Variants in FOXN3 observed in about 807,000 individuals in gnomAD.
The protein encoded by FOXN3 is forkhead box protein N3.
A neutral mutation model predicts 38.4 loss-of-function variants in FOXN3; 7 were observed. That is an observed-to-expected ratio of 0.18 (90% confidence interval 0.10 to 0.34). FOXN3 has a LOEUF of 0.34. FOXN3 is among the 10% of genes least tolerant of loss of function. FOXN3 has a pLI of 1.00. For synonymous variants in FOXN3, 230 were observed against 242.2 expected, an observed-to-expected ratio of 0.95 and a Z score of 0.47; for missense variants, 456 against 613.4, an observed-to-expected ratio of 0.74 and a Z score of 2.71.
intron 1 of FOXN3, among the ~76,000 whole-genome samples, chr14:89,502,866 C>T (rs1203494578): frequency 6.6e-6 from 1 of 152,134 alleles, no homozygotes; most frequent in Non-Finnish European, 1.5e-5. Flanking sequence ...TCTTTCCACT[C>T]TATGTTGGTG....
At position 89,544,203 on chromosome 14, in the gene FOXN3, A is replaced by G. The variant is rs547800509; in HGVS notation, c.-15+74825T>C. 2.0e-5 allele frequency among the ~76,000 whole-genome samples: 3 copies of G among 151,760 alleles called. No individual in the cohort carries two copies. The East Asian group carries it at 5.8e-4, about 29-fold the overall frequency. Reference sequence around the variant, plus strand: ...ACTACAGGTGCCTGCTACCACGCCCAGCTAATTTTTTGTATTTTTAGTAGA... The same window carrying G: ...ACTACAGGTGCCTGCTACCACGCCCGGCTAATTTTTTGTATTTTTAGTAGA... On this transcript the variant is annotated intron_variant, in intron 1 of 6. Coordinates refer to the FOXN3 transcript ENST00000345097.
intron 4 of FOXN3, among the ~76,000 whole-genome samples, chr14:89,250,035 C>T (rs1885409666): frequency 6.6e-6 from 1 of 152,202 alleles, no homozygotes; most frequent in Non-Finnish European, 1.5e-5. Flanking sequence ...GTCTATTAGA[C>T]TTACTGTAAG....
intron 1 of FOXN3, among the ~76,000 whole-genome samples, chr14:89,522,091 A>G (rs1424464570): frequency 6.6e-6 from 1 of 152,080 alleles, no homozygotes; most frequent in East Asian, 1.9e-4. Context: ...CATAAACAAT[A>G]CAAATCAGAA....
chr14:89,481,763 G>T (rs890003153), intron 1 of FOXN3, among the ~76,000 whole-genome samples: 5 of 152,184 alleles, frequency 3.3e-5, no homozygotes, highest in Non-Finnish European at 5.9e-5. Context: ...GCAACAAAAA[G>T]CTGAGAAGAG....
At chr14:89,192,095 T>C (rs1237203252) in intron 4 of FOXN3, among the ~76,000 whole-genome samples, 1 of 146,658 alleles carries the variant, frequency 6.8e-6, no homozygotes, top group Non-Finnish European at 1.5e-5. Flanking sequence ...ATAGTATATA[T>C]ACAGTTTATA....
chr14:89,401,524 C>T (rs1891244808), intron 2 of FOXN3: 2 of 452,416 alleles, frequency 4.4e-6, no homozygotes, highest in African/African-American at 2.0e-5. Context: ...GAATTCGGCA[C>T]ACAGTGCGGT....
rs988863116 is a variant in FOXN3, at chr14:89,161,219, A to AT, written c.*1194dup. 1.3e-5 allele frequency: 2 copies of AT among 152,024 alleles called. No individual in the cohort carries two copies. The highest frequency in any genetic ancestry group is 2.9e-5 in the Non-Finnish European group (2 of 67,956). 9.4% of individuals were successfully genotyped at this position (152,024 alleles called of 1,614,324 possible). On this transcript the variant is annotated 3_prime_UTR_variant, in exon 6 of 6. Transcript: ENST00000557258. ...TACTGGCTGAATGTGGAAATCACTG[A>AT]TTTTTGCAAAGATAAATCCTGATAT...
At chr14:89,219,890 A>C (rs1884409137) in intron 4 of FOXN3, among the ~76,000 whole-genome samples, 1 of 152,220 alleles carries the variant, frequency 6.6e-6, no homozygotes, top group Non-Finnish European at 1.5e-5. Flanking sequence ...CTGAGGTATC[A>C]TTGGGCTAGG....
intron 1 of FOXN3, among the ~76,000 whole-genome samples, chr14:89,517,633 C>T (rs1368307571): frequency 1.3e-5 from 2 of 152,118 alleles, no homozygotes; most frequent in African/African-American, 4.8e-5. Flanking sequence ...CACACCAGGC[C>T]CCACCACCAA....
intron 1 of FOXN3, among the ~76,000 whole-genome samples, chr14:89,506,123 G>A (rs1451443162): frequency 5.6e-4 from 65 of 115,960 alleles, no homozygotes; most frequent in Non-Finnish European, 8.3e-4. Context: ...GGTGAGGGGC[G>A]CCTCTGCCCG....
At chr14:89,203,249 CA>C (rs528504408) in intron 4 of FOXN3, among the ~76,000 whole-genome samples, 58 of 152,334 alleles carry the variant, frequency 3.8e-4, no homozygotes, top group African/African-American at 1.3e-3. Flanking sequence ...GAGGGGACTT[CA>C]GAGGGATGTG....
chr14:89,568,089 C>A (rs944614142), intron 1 of FOXN3, among the ~76,000 whole-genome samples: 1 of 152,036 alleles, frequency 6.6e-6, no homozygotes, highest in East Asian at 1.9e-4. Context: ...AAAACCTATC[C>A]TCTCGCTGCC....
Position 89,343,361 on chromosome 14 carries a change from C to T in FOXN3, c.680+7311G>A, listed in dbSNP as rs187739582. On this transcript the variant is annotated intron_variant, in intron 3 of 5. Transcript: ENST00000557258. ...TTCCCCTATCTACTATTCCCAGCCT[C>T]ACTATGACAGCCAAAGATTATTTAC... Among the ~76,000 whole-genome samples the T allele has an allele frequency of 1.4e-3, 207 of 152,216 alleles. 1 individual carries two copies. The highest frequency in any genetic ancestry group is 2.5e-3 in the Non-Finnish European group (168 of 68,026).
chr14:89,179,837 A>C (rs1566922397), intron 5 of FOXN3, among the ~76,000 whole-genome samples: 1 of 152,234 alleles, frequency 6.6e-6, no homozygotes, highest in Non-Finnish European at 1.5e-5. Context: ...GGTGAGGGGA[A>C]TCTATGCAGA....
chr14:89,437,199 A>T (rs1270590396), intron 1 of FOXN3, among the ~76,000 whole-genome samples: 2 of 152,142 alleles, frequency 1.3e-5, no homozygotes, highest in African/African-American at 2.4e-5. Context: ...AACAAAAAAA[A>T]ACAGTATGGC....
intron 4 of FOXN3, among the ~76,000 whole-genome samples, chr14:89,239,187 T>C (rs1185301601): frequency 1.3e-5 from 2 of 152,176 alleles, no homozygotes; most frequent in African/African-American, 2.4e-5. Flanking sequence ...AGAGCTGAAT[T>C]GGTATCTCCA....
At chr14:89,476,608 A>G (rs1893214847) in intron 1 of FOXN3, among the ~76,000 whole-genome samples, 1 of 152,218 alleles carries the variant, frequency 6.6e-6, no homozygotes. Context: ...CATAAACCAC[A>G]TAAACATATT....
chr14:89,514,749 G>A (rs1364838855), intron 1 of FOXN3, among the ~76,000 whole-genome samples: 1 of 152,114 alleles, frequency 6.6e-6, no homozygotes, highest in Non-Finnish European at 1.5e-5. Flanking sequence ...CACTCCATCT[G>A]TGCATCTTGC....
chr14:89,567,954 C>G (rs1410084822), intron 1 of FOXN3, among the ~76,000 whole-genome samples: 1 of 151,942 alleles, frequency 6.6e-6, no homozygotes, highest in African/African-American at 2.4e-5. Context: ...GATCTCCTGA[C>G]CTCGTGATCC....
Sources: allele counts gnomAD v4.1 joint callset (sites outside exome capture counted in the v4.1 genomes callset), GRCh38; gene constraint gnomAD v4.1.1; transcripts MANE v1.5; gene names NCBI Gene and HGNC (gene_info 2026-07-23, HGNC 2026-07-21).